Variants in ANO6 observed in about 807,000 individuals in gnomAD.
The protein encoded by ANO6 is anoctamin 6.
Under a neutral mutation model 117.5 loss-of-function variants are expected in ANO6, and 106 were observed. The observed-to-expected ratio is 0.90, with a 90% CI of 0.77 to 1.06. ANO6 has a LOEUF of 1.06. ANO6 is among the 50% of genes least tolerant of loss of function. The probability of loss-of-function intolerance (pLI) is 0.00; values close to 1 mark genes in which losing one functional copy is unlikely to be tolerated. For synonymous variants in ANO6, 367 were observed against 385.1 expected (o/e 0.95, Z 0.55); for missense variants, 955 against 1,121.1 (o/e 0.85, Z 2.12).
intron 11 of ANO6, among the ~76,000 whole-genome samples, chr12:45,389,311 T>A (rs2137578774): frequency 6.6e-6 from 1 of 152,318 alleles, no homozygotes; most frequent in South Asian, 2.1e-4. Flanking sequence ...TTCCTGCTGT[T>A]TACTAGAGAG....
chr12:45,387,736 A>G (rs1942336406), intron 10 of ANO6, among the ~76,000 whole-genome samples: 1 of 152,122 alleles, frequency 6.6e-6, no homozygotes, highest in South Asian at 2.1e-4. Context: ...CTGTGTCCCC[A>G]CCCAAATCTC....
intron 8 of ANO6, among the ~76,000 whole-genome samples, chr12:45,362,085 G>A (rs988545576): frequency 6.6e-6 from 1 of 152,082 alleles, no homozygotes; most frequent in African/African-American, 2.4e-5. Context: ...TAAATGGTAG[G>A]TGGAATTCAT....
rs2137745424 is a variant in ANO6 at position 45,432,163 on chromosome 12, G to A, written c.*2852G>A. 1 of 985,200 alleles carries A rather than the reference G, an allele frequency of 1.0e-6. No individual in the cohort carries two copies. The highest frequency in any genetic ancestry group is 1.2e-6 in the Non-Finnish European group (1 of 829,780). 61.0% of individuals were successfully genotyped at this position (985,200 alleles called of 1,614,324 possible). ...TGTTTGAGAGGGTAAAAATGTATGA[G>A]CAGCTTAACTGAAGTAGAACTATTC... On this transcript the variant is annotated 3_prime_UTR_variant, in exon 20 of 20. Coordinates refer to ENST00000320560, the MANE Select transcript of ANO6 (RefSeq NM_001025356.3).
At chr12:45,254,236 A>G (rs917996285) in intron 1 of ANO6, among the ~76,000 whole-genome samples, 3 of 152,202 alleles carry the variant, frequency 2.0e-5, no homozygotes, top group Non-Finnish European at 4.4e-5. Context: ...AGAAGGCAGT[A>G]GAGAAAGATT....
chr12:45,299,727 C>T (rs1471568192), intron 1 of ANO6, among the ~76,000 whole-genome samples: 3 of 152,002 alleles, frequency 2.0e-5, no homozygotes, highest in Admixed American at 2.0e-4. Context: ...AGTGGCACGC[C>T]TGTAGTCCCA....
chr12:45,419,405 A>C (rs1035840123), intron 17 of ANO6, among the ~76,000 whole-genome samples: 4 of 152,222 alleles, frequency 2.6e-5, no homozygotes, highest in African/African-American at 9.6e-5. Context: ...AGCAAAATTT[A>C]ATCTATTGAA....
chr12:45,329,502 G>A (rs954211822), intron 2 of ANO6, among the ~76,000 whole-genome samples: 1 of 152,118 alleles, frequency 6.6e-6, no homozygotes, highest in Non-Finnish European at 1.5e-5. Context: ...TTATCTGGGA[G>A]CTAACTGCCA....
intron 1 of ANO6, among the ~76,000 whole-genome samples, chr12:45,268,919 C>T (rs543723025): frequency 5.9e-5 from 9 of 152,346 alleles, no homozygotes; most frequent in Admixed American, 1.3e-4. Context: ...TCCTTTCTGG[C>T]TGCTTCCACC....
At chr12:45,427,738 A>T (rs1408545169) in intron 19 of ANO6, among the ~76,000 whole-genome samples, 7 of 132,704 alleles carry the variant, frequency 5.3e-5, no homozygotes, top group African/African-American at 8.5e-5. Flanking sequence ...AAGTTGGTTT[A>T]AAAAAAAAAA....
intron 1 of ANO6, among the ~76,000 whole-genome samples, chr12:45,230,871 T>A (rs1947563857): frequency 6.6e-6 from 1 of 152,158 alleles, no homozygotes; most frequent in Non-Finnish European, 1.5e-5. Flanking sequence ...TTAGGCTGGG[T>A]GCAGCAGCTT....
intron 12 of ANO6, among the ~76,000 whole-genome samples, chr12:45,399,831 G>A (rs1336098260): frequency 6.6e-6 from 1 of 152,158 alleles, no homozygotes; most frequent in African/African-American, 2.4e-5. Flanking sequence ...ATTGTCCACA[G>A]TGACCTTATA....
intron 1 of ANO6, among the ~76,000 whole-genome samples, chr12:45,291,110 C>G (rs1187845428): frequency 1.3e-5 from 2 of 152,148 alleles, no homozygotes; most frequent in South Asian, 4.1e-4. Flanking sequence ...AACGTTCAAT[C>G]CCACCTCACA....
intron 1 of ANO6, among the ~76,000 whole-genome samples, chr12:45,280,649 A>C (rs1938695932): frequency 6.6e-6 from 1 of 152,138 alleles, no homozygotes; most frequent in South Asian, 2.1e-4. Flanking sequence ...TGATCCTGGC[A>C]CACCGAGTCA....
At chr12:45,334,573 G>A (rs1940770941) in intron 3 of ANO6, among the ~76,000 whole-genome samples, 1 of 151,962 alleles carries the variant, frequency 6.6e-6, no homozygotes, top group African/African-American at 2.4e-5. Context: ...ACAATTCATT[G>A]TCTGTTACAA....
intron 1 of ANO6, among the ~76,000 whole-genome samples, chr12:45,243,885 T>C (rs1460493708): frequency 1.3e-5 from 2 of 152,204 alleles, no homozygotes; most frequent in African/African-American, 4.8e-5. Context: ...TACTGCAAAT[T>C]AACAGAGATT....
intron 10 of ANO6, among the ~76,000 whole-genome samples, chr12:45,380,560 C>A (rs901475396): frequency 1.3e-5 from 2 of 152,192 alleles, no homozygotes; most frequent in African/African-American, 4.8e-5. Context: ...CTACCACCAC[C>A]CTGACTCTGT....
chr12:45,381,432 G>A (rs953780205), intron 10 of ANO6, among the ~76,000 whole-genome samples: 4 of 152,132 alleles, frequency 2.6e-5, no homozygotes, highest in South Asian at 2.1e-4. Context: ...CAAAAGATAC[G>A]GAACAGAAAT....
intron 2 of ANO6, among the ~76,000 whole-genome samples, chr12:45,319,992 T>C (rs1289662049): frequency 6.6e-6 from 1 of 152,212 alleles, no homozygotes; most frequent in Non-Finnish European, 1.5e-5. Context: ...ATCGTGTCTA[T>C]TTGATTCTTC....
chr12:45,325,243 T>C (rs1940421544), intron 2 of ANO6, among the ~76,000 whole-genome samples: 1 of 152,194 alleles, frequency 6.6e-6, no homozygotes, highest in Admixed American at 6.5e-5. Flanking sequence ...AGCTATTTCT[T>C]TAAAAGTTTA....
Sources: allele counts gnomAD v4.1 joint callset (sites outside exome capture counted in the v4.1 genomes callset), GRCh38; gene constraint gnomAD v4.1.1; transcripts MANE v1.5; gene names NCBI Gene and HGNC (gene_info 2026-07-23, HGNC 2026-07-21).